Variants in MAGI1 observed in about 807,000 individuals in gnomAD.
MAGI1 encodes membrane-associated guanylate kinase, WW and PDZ domain-containing protein 1.
MAGI1 carries 58 observed loss-of-function variants against 139.9 expected under a neutral mutation model. The observed-to-expected ratio is 0.41, with a 90% CI of 0.34 to 0.52. MAGI1 has a LOEUF of 0.52. MAGI1 is among the 20% of genes least tolerant of loss of function. The pLI is 0.12. For missense variants in MAGI1, 1,874 were observed against 1,901.6 expected (o/e 0.99, Z 0.27); for synonymous variants, 812 against 737.9 (o/e 1.10, Z -1.63).
intron 17 of MAGI1, among the ~76,000 whole-genome samples, chr3:65,378,502 AT>A (rs1942754081): frequency 1.3e-5 from 2 of 152,208 alleles, no homozygotes; most frequent in East Asian, 1.9e-4. Context: ...TTCCTAGAGC[AT>A]TTTTACAGCC....
chr3:65,656,658 T>C (rs987887817), intron 1 of MAGI1, among the ~76,000 whole-genome samples: 1 of 152,074 alleles, frequency 6.6e-6, no homozygotes. Flanking sequence ...ATAAAGGATA[T>C]TTATTGTACT....
chr3:65,603,808 C>T (rs2082599097), intron 2 of MAGI1, among the ~76,000 whole-genome samples: 2 of 152,174 alleles, frequency 1.3e-5, no homozygotes, highest in Non-Finnish European at 2.9e-5. Flanking sequence ...GGCCTGGTCT[C>T]TCCTTCCAAG....
At chr3:65,642,313 G>C (rs901616220) in intron 1 of MAGI1, among the ~76,000 whole-genome samples, 4 of 152,136 alleles carry the variant, frequency 2.6e-5, no homozygotes, top group African/African-American at 9.7e-5. Flanking sequence ...GCCCTTCAGT[G>C]CTCACAAGAA....
intron 1 of MAGI1, among the ~76,000 whole-genome samples, chr3:65,948,908 C>T (rs1033768552): frequency 7.2e-5 from 11 of 152,148 alleles, no homozygotes; most frequent in African/African-American, 2.7e-4. Context: ...GTCCCTAAGC[C>T]AAACAACTGA....
chr3:65,397,743 G>C (rs1944508877), intron 13 of MAGI1, among the ~76,000 whole-genome samples: 1 of 152,088 alleles, frequency 6.6e-6, no homozygotes, highest in Non-Finnish European at 1.5e-5. Context: ...TTATAATTAA[G>C]AGTGGAATGA....
chr3:65,719,293 G>A (rs1310971698), intron 1 of MAGI1, among the ~76,000 whole-genome samples: 1 of 151,458 alleles, frequency 6.6e-6, no homozygotes, highest in African/African-American at 2.4e-5. Flanking sequence ...ATATGTGTGT[G>A]TGTGTGTGTG....
chr3:65,944,077 C>T (rs1174147689), intron 1 of MAGI1, among the ~76,000 whole-genome samples: 1 of 152,220 alleles, frequency 6.6e-6, no homozygotes, highest in African/African-American at 2.4e-5. Context: ...AACTCTGTGC[C>T]TAACTCAAGT....
intron 9 of MAGI1, 136 bp downstream of exon 9, chr3:65,439,743 A>C: frequency 6.6e-7 from 1 of 1,524,832 alleles, no homozygotes. Flanking sequence ...CTTCCTCCCC[A>C]CAGGACATCA....
chr3:65,701,478 C>A (rs2089604148), intron 1 of MAGI1, among the ~76,000 whole-genome samples: 1 of 152,166 alleles, frequency 6.6e-6, no homozygotes, highest in African/African-American at 2.4e-5. Context: ...GTCTCGAACT[C>A]CTGACCTCAA....
chr3:65,429,562 A>C lies in MAGI1; in HGVS notation c.2125T>G (p.Cys709Gly). The C allele has an allele frequency of 6.2e-7, 1 of 1,613,816 alleles. No homozygotes were observed. Among genetic ancestry groups the C allele is most frequent in the Non-Finnish European group, 8.5e-7 (1 of 1,179,860 alleles). ...AATGTGACCTCACTTCCCTTAGGACACTCAACCAGCATATCCACCACTTGG... is the reference window on the plus strand; with the variant it reads ...AATGTGACCTCACTTCCCTTAGGACCCTCAACCAGCATATCCACCACTTGG... Reference protein sequence around the residue: ...HNQVVDMLVECPKGSEVTLLV... With the variant: ...HNQVVDMLVEGPKGSEVTLLV... Residue 709 changes from cysteine (C) to glycine (G), a missense_variant, in exon 12 of 23, where the codon TGT becomes GGT. By Grantham distance (159) the Cys-to-Gly change is radical. Coordinates refer to ENST00000402939, the MANE Select transcript of MAGI1 (RefSeq NM_001033057.2).
intron 1 of MAGI1, among the ~76,000 whole-genome samples, chr3:65,794,844 GAAAAAAA>G (rs10581418): frequency 1.5e-5 from 2 of 131,818 alleles, no homozygotes; most frequent in African/African-American, 5.7e-5. Context: ...CCCTCATCAG[GAAAAAAA>G]AAAAAAAAAC....
chr3:65,528,426 G>C (rs2078488916), intron 2 of MAGI1, among the ~76,000 whole-genome samples: 1 of 152,144 alleles, frequency 6.6e-6, no homozygotes, highest in Admixed American at 6.6e-5. Context: ...ACAGGGACTA[G>C]GGCCTAAAGT....
chr3:65,566,466 A>G (rs2108044088), intron 2 of MAGI1, among the ~76,000 whole-genome samples: 1 of 151,280 alleles, frequency 6.6e-6, no homozygotes, highest in Admixed American at 6.6e-5. Context: ...AACACAAATG[A>G]TCTCTGTGAT....
chr3:65,995,909 G>A (rs2066421177), intron 1 of MAGI1, among the ~76,000 whole-genome samples: 1 of 152,124 alleles, frequency 6.6e-6, no homozygotes, highest in South Asian at 2.1e-4. Context: ...GAGGCAGGAG[G>A]ATCTCTTGAG....
At chr3:65,696,393 G>T (rs570024387) in intron 1 of MAGI1, among the ~76,000 whole-genome samples, 41 of 151,462 alleles carry the variant, frequency 2.7e-4, no homozygotes, top group African/African-American at 9.9e-4. Flanking sequence ...CCTTTATATT[G>T]GATTTTATCC....
At position 65,391,324 on chromosome 3, in the gene MAGI1, G is replaced by T; in HGVS notation, c.2234C>A (p.Ser745Tyr). The T allele has an allele frequency of 6.2e-7, 1 of 1,614,208 alleles. No individual in the cohort carries two copies. The highest frequency in any genetic ancestry group is 1.1e-5 in the South Asian group (1 of 91,084). ...PLERKDSQNSSQHSVSSHRSL... is the reference protein window; with the variant it reads ...PLERKDSQNSYQHSVSSHRSL... The stretch of plus-strand genomic sequence containing the variant: ...TCGGTGGCTGGAAACACTGTGCTGA[G>T]AACTATTCTGGCTGTCTTTCCTTTC... The change falls in exon 14 of 23, where the codon TCT (serine) becomes TAT (tyrosine). Residue 745 changes from serine to tyrosine, a missense_variant. Physicochemically the swap from Ser to Tyr is moderately radical, Grantham distance 144. Transcript: ENST00000402939.
intron 1 of MAGI1, among the ~76,000 whole-genome samples, chr3:65,735,996 A>T (rs1353369913): frequency 1.3e-5 from 2 of 152,192 alleles, no homozygotes; most frequent in African/African-American, 4.8e-5. Flanking sequence ...CCCGAGCAGC[A>T]ATCTGAACCC....
chr3:65,465,624 A>G (rs1559578950), intron 5 of MAGI1, among the ~76,000 whole-genome samples: 1 of 152,046 alleles, frequency 6.6e-6, no homozygotes, highest in African/African-American at 2.4e-5. Flanking sequence ...TGTTTCACTA[A>G]CATACATAGG....
At chr3:65,843,816 G>C (rs1308522974) in intron 1 of MAGI1, 1 of 185,516 alleles carries the variant, frequency 5.4e-6, no homozygotes, top group Non-Finnish European at 1.1e-5. Flanking sequence ...TCCAGTCTCA[G>C]CAAAGCTCTG....
Sources: allele counts gnomAD v4.1 joint callset (sites outside exome capture counted in the v4.1 genomes callset), GRCh38; gene constraint gnomAD v4.1.1; transcripts MANE v1.5; gene names NCBI Gene and HGNC (gene_info 2026-07-23, HGNC 2026-07-21).